ECHS1: variants seen among roughly 807,000 people sequenced by gnomAD.
The protein encoded by ECHS1 is enoyl-CoA hydratase, mitochondrial.
A neutral mutation model predicts 33.5 loss-of-function variants in ECHS1; 19 were observed. That is an observed-to-expected ratio of 0.57 (90% CI 0.40 to 0.83). The LOEUF (loss-of-function observed/expected upper bound fraction) is 0.83, where lower values mean the gene tolerates loss of function less well. ECHS1 is among the 40% of genes least tolerant of loss of function. The pLI, the probability that ECHS1 is intolerant of heterozygous loss-of-function variation, is 0.00. For missense variants in ECHS1, 365 were observed against 381.3 expected, an observed-to-expected ratio of 0.96 and a Z score of 0.36; for synonymous variants, 158 against 146.6, an observed-to-expected ratio of 1.08 and a Z score of -0.56.
chr10:133,363,005 C>G, intron 7 of ECHS1, 72 bp from the exon 8 acceptor site: 1 of 1,559,026 alleles, frequency 6.4e-7, no homozygotes, highest in Non-Finnish European at 8.8e-7. Flanking sequence ...AATGTCCGCC[C>G]GTCTCTCCCT....
intron 4 of ECHS1, among the ~76,000 whole-genome samples, 182 bp from the exon 5 acceptor site, chr10:133,367,175 G>T (rs1412982326): frequency 6.6e-6 from 1 of 152,224 alleles, no homozygotes; most frequent in Non-Finnish European, 1.5e-5. Flanking sequence ...TTCAAGCTCA[G>T]GCCCCACATC....
chr10:133,366,992 A>C lies in ECHS1; in HGVS notation c.516T>G (p.Gly172=), dbSNP rs770786393. The part of the protein sequence containing the change: ...QPEILIGTIP[G]AGGTQRLTRA... ...GGGTGAGTCTCTGGGTGCCGCCCGC[A>C]CCTGCAGGGAGGGGCTGGTCATGGC... Residue 172 remains glycine (G), a splice_region_variant and synonymous_variant, in exon 5 of 8, where the codon GGT becomes GGG. Coordinates refer to ENST00000368547, the MANE Select transcript of ECHS1 (RefSeq NM_004092.4). 2 of 1,609,364 alleles carry C rather than the reference A, an allele frequency of 1.2e-6. No homozygotes were observed. Among genetic ancestry groups the C allele is most frequent in the East Asian group, 4.5e-5 (2 of 44,780 alleles).
chr10:133,370,823 G>A, intron 1 of ECHS1, 66 bp from the exon 2 acceptor site: 2 of 1,516,058 alleles, frequency 1.3e-6, no homozygotes, highest in East Asian at 2.3e-5. Flanking sequence ...AGTGGGGGAA[G>A]GGATGTGGCC....
At position 133,362,914 on chromosome 10, in the gene ECHS1, A is replaced by G; in HGVS notation, c.827T>C (p.Met276Thr). 8 of 1,614,150 alleles carry G rather than the reference A, an allele frequency of 5.0e-6. No individual in the cohort carries two copies. The highest frequency in any genetic ancestry group is 5.9e-6 in the Non-Finnish European group (7 of 1,180,044). Residue 276 changes from methionine (M) to threonine (T), a missense_variant, in exon 8 of 8, where the codon ATG (methionine) becomes ACG (threonine). By Grantham distance (81) the Met-to-Thr change is moderately conservative. Transcript: ENST00000368547. ...CTTTCTCTTTTCCACAAACGCGGTCATCCCTTCTTTCCGGTCATCCTGGCA... is the reference window on the plus strand; with the variant it reads ...CTTTCTCTTTTCCACAAACGCGGTCGTCCCTTCTTTCCGGTCATCCTGGCA... ...TFATDDRKEG[M>T]TAFVEKRKAN...
rs754378922 is a variant in ECHS1 at position 133,373,341 on chromosome 10, T to C, written c.-8A>G. The C allele has an allele frequency of 2.9e-5, 43 of 1,497,198 alleles. No homozygotes were observed. In the South Asian group the frequency reaches 4.0e-4, roughly 14 times the overall value. The allele number at this position is 1,497,198 out of a possible 1,614,324, so 92.7% of individuals were successfully genotyped here. On this transcript the variant is annotated 5_prime_UTR_variant, in exon 1 of 8. Coordinates refer to ENST00000368547, the MANE Select transcript of ECHS1 (RefSeq NM_004092.4). ...GACACGCAGGGCGGCCATGGCTCTCTGGACTCCTCGCCCGGCCCCGCGGAG... is the reference window on the plus strand; with the variant it reads ...GACACGCAGGGCGGCCATGGCTCTCCGGACTCCTCGCCCGGCCCCGCGGAG...
chr10:133,364,935 C>T lies in ECHS1; in HGVS notation c.740-210G>A, dbSNP rs145514540. ...CAACAGCTCTGCTATGGCCCCCAAA[C>T]GTCACACTCCGGTAGCCCACGGCCC... On this transcript the variant is annotated intron_variant, in intron 6 of 7. Coordinates refer to ENST00000368547, the MANE Select transcript of ECHS1 (RefSeq NM_004092.4). Among the ~76,000 whole-genome samples the T allele has an allele frequency of 1.2e-3, 177 of 152,312 alleles. 1 individual carries two copies. Among genetic ancestry groups the T allele is most frequent in the Middle Eastern group, 6.8e-3 (2 of 294 alleles).
rs1849042691 is a variant in ECHS1 at position 133,366,929 on chromosome 10, G to A, written c.579C>T (p.Leu193=). ...VGKSLAMEMV[L]TGDRISAQDA... is the part of the protein sequence containing the mutation. ...CCTGGGCTGAGATCCGGTCACCAGT[G>A]AGGACCATCTCCATCGCCAGCGACT... Residue 193 remains leucine, a synonymous_variant, in exon 5 of 8, where the codon CTC becomes CTT. Transcript: ENST00000368547. 3.7e-6 allele frequency: 6 copies of A among 1,612,576 alleles called. No individual in the cohort carries two copies. Among genetic ancestry groups the A allele is most frequent in the Non-Finnish European group, 5.1e-6 (6 of 1,179,986 alleles).
chr10:133,368,788 C>G lies in ECHS1; in HGVS notation c.514+135G>C, dbSNP rs1231734850. ...CCACTCTAGCCTCCGTGGCTGTCCA[C>G]AGAGGGACCACTGACCAGCCATGGG... On this transcript the variant is annotated intron_variant, in intron 4 of 7. Transcript: ENST00000368547. 4 of 777,778 alleles carry G rather than the reference C, an allele frequency of 5.1e-6. No individual in the cohort carries two copies. In the East Asian group the frequency reaches 1.1e-4, roughly 21 times the overall value. The allele number at this position is 777,778 out of a possible 1,614,324, so 48.2% of individuals were successfully genotyped here. A position where few individuals can be genotyped will look rare whatever the true frequency, so the allele number is the denominator to read the frequency against.
At chr10:133,370,358 G>A (rs1464441326) in intron 2 of ECHS1, among the ~76,000 whole-genome samples, 1 of 152,250 alleles carries the variant, frequency 6.6e-6, no homozygotes, top group African/African-American at 2.4e-5. Context: ...TGTTTTGCTG[G>A]TGGAGCACAT....
intron 4 of ECHS1, among the ~76,000 whole-genome samples, chr10:133,367,883 G>GC (rs747684581): frequency 2.6e-4 from 39 of 152,206 alleles, no homozygotes; most frequent in Non-Finnish European, 5.1e-4. Context: ...AGAGGGAAGG[G>GC]CCCCCTGTCC....
chr10:133,373,267 C>G lies in ECHS1; in HGVS notation c.67G>C (p.Ala23Pro), dbSNP rs759853219. The G allele has an allele frequency of 1.0e-4, 149 of 1,447,246 alleles. No homozygotes were observed. In the South Asian group the frequency reaches 1.4e-3, roughly 14 times the overall value. 89.7% of individuals were successfully genotyped at this position (1,447,246 alleles called of 1,614,324 possible). The change falls in exon 1 of 8, where the codon GCC becomes CCC. Residue 23 changes from alanine (A) to proline (P), a missense_variant. Coordinates refer to ENST00000368547, the MANE Select transcript of ECHS1 (RefSeq NM_004092.4). ...TCACCCGAGGCGAAGGGACGCCAGG[C>G]GGGACAGCGAACCGGGGGCCTCAGC... ...GPLRPPVRCP[A>P]WRPFASGANF... is the part of the protein sequence containing the mutation.
intron 6 of ECHS1, among the ~76,000 whole-genome samples, chr10:133,365,083 A>G (rs541011636): frequency 6.6e-6 from 1 of 152,376 alleles, no homozygotes; most frequent in African/African-American, 2.4e-5. Context: ...CAGGAAGGAC[A>G]GCACGAGAGC....
In ECHS1 at chr10:133,369,919, A is replaced by G. The variant is rs1249184460; in HGVS notation, c.399T>C (p.Ala133=). The G allele has an allele frequency of 1.9e-6, 3 of 1,613,762 alleles. No individual in the cohort carries two copies. The highest frequency in any genetic ancestry group is 2.2e-5 in the South Asian group (2 of 91,066). The change falls in exon 3 of 8, where the codon GCT becomes GCC. Residue 133 remains alanine, a synonymous_variant. Transcript: ENST00000368547. ...CAACACTCACGGCATAGCCATTGACAGCAGCGATGACTGGCTTCTTGACCT... is the reference window on the plus strand; with the variant it reads ...CAACACTCACGGCATAGCCATTGACGGCAGCGATGACTGGCTTCTTGACCT... ...LTQVKKPVIA[A]VNGYAFGGGC...
In ECHS1 at chr10:133,368,957, A is replaced by C; in HGVS notation, c.480T>G (p.Phe160Leu). 6.2e-7 allele frequency: 1 copy of C among 1,613,766 alleles called. No homozygotes were observed. Among genetic ancestry groups the C allele is most frequent in the Non-Finnish European group, 8.5e-7 (1 of 1,179,928 alleles). ...TTCCTATTAAGATCTCCGGCTGTGC[A>C]AACTGGGCCTTCTCACCGGCATAGA... ...DIIYAGEKAQ[F>L]AQPEILIGTI... The change falls in exon 4 of 8, where the codon TTT (phenylalanine) becomes TTG (leucine). Residue 160 changes from phenylalanine to leucine, a missense_variant. By Grantham distance (22) the Phe-to-Leu change is conservative. Coordinates refer to ENST00000368547, the MANE Select transcript of ECHS1 (RefSeq NM_004092.4).
chr10:133,363,854 AAAT>A (rs1848997738), intron 7 of ECHS1, among the ~76,000 whole-genome samples: 1 of 152,212 alleles, frequency 6.6e-6, no homozygotes, highest in East Asian at 1.9e-4. Context: ...AAATCTTATA[AAAT>A]ATTGCTCTAA....
chr10:133,364,909 C>A (rs940093502), intron 6 of ECHS1, among the ~76,000 whole-genome samples, 184 bp from the exon 7 acceptor site: 2 of 152,170 alleles, frequency 1.3e-5, no homozygotes, highest in African/African-American at 2.4e-5. Flanking sequence ...CCTGGCAGAA[C>A]CAACAGCTCT....
chr10:133,370,846 AC>A, intron 1 of ECHS1, 89 bp from the exon 2 acceptor site: 1 of 1,393,258 alleles, frequency 7.2e-7, no homozygotes, highest in Non-Finnish European at 9.7e-7. Flanking sequence ...ATCGGTGGAT[AC>A]AGTGTGACCC....
At chr10:133,367,408 C>T (rs1022792920) in intron 4 of ECHS1, among the ~76,000 whole-genome samples, 15 of 151,166 alleles carry the variant, frequency 9.9e-5, no homozygotes, top group Non-Finnish European at 1.8e-4. Context: ...CAAGAAATAA[C>T]TGGCGGGTAT....
intron 7 of ECHS1, among the ~76,000 whole-genome samples, chr10:133,363,659 C>A (rs1848995353): frequency 6.6e-6 from 1 of 152,092 alleles, no homozygotes; most frequent in Non-Finnish European, 1.5e-5. Flanking sequence ...TGGTGGGCAC[C>A]TGTAATCCCA....
Sources: allele counts gnomAD v4.1 joint callset (sites outside exome capture counted in the v4.1 genomes callset), GRCh38; gene constraint gnomAD v4.1.1; transcripts MANE v1.5; gene names NCBI Gene and HGNC (gene_info 2026-07-23, HGNC 2026-07-21).